Variants in ATP2B2 observed in about 807,000 individuals in gnomAD.
ATP2B2 encodes ATPase plasma membrane Ca2+ transporting 2, also known as plasma membrane calcium-transporting ATPase 2.
In ATP2B2, 15 loss-of-function variants were observed where a neutral mutation model predicts 120.0. The ratio of observed to expected loss-of-function variants is 0.12; its 90% CI spans 0.08 to 0.19. The LOEUF is 0.19. Ranked by LOEUF, ATP2B2 falls within the 10% of genes least tolerant of loss-of-function variation. The pLI is 1.00. For missense variants in ATP2B2, 1,045 were observed against 1,719.8 expected (o/e 0.61, Z 6.94); for synonymous variants, 694 against 700.3 (o/e 0.99, Z 0.14).
chr3:10,585,450 T>C (rs1575525876), intron 2 of ATP2B2, among the ~76,000 whole-genome samples: 1 of 125,610 alleles, frequency 8.0e-6, no homozygotes, highest in African/African-American at 3.1e-5. Flanking sequence ...GCCAAGATCA[T>C]GCCACTGCAC....
chr3:10,487,503 G>C (rs1036113793), intron 1 of ATP2B2, among the ~76,000 whole-genome samples: 2 of 152,220 alleles, frequency 1.3e-5, no homozygotes, highest in Admixed American at 6.5e-5. Context: ...TCAATTCTCA[G>C]CATGAAGCCA....
At chr3:10,702,044 CAACCTCATG>C (rs2071827562) in intron 1 of ATP2B2, among the ~76,000 whole-genome samples, 1 of 152,164 alleles carries the variant, frequency 6.6e-6, no homozygotes, top group African/African-American at 2.4e-5. Context: ...TCCAGTCTCC[CAACCTCATG>C]AAGCCAGGAA....
In ATP2B2 at chr3:10,417,066, C is replaced by CAG. The variant is rs2062811641; in HGVS notation, c.200-6252_200-6251insCT. 7.9e-5 allele frequency among the ~76,000 whole-genome samples: 3 copies of CAG among 38,108 alleles called. 1 individual carries two copies. Among genetic ancestry groups the CAG allele is most frequent in the African/African-American group, 6.8e-4 (3 of 4,392 alleles). The allele number at this position is 38,108 out of a possible 152,430, so 25.0% of individuals were successfully genotyped here. A position where few individuals can be genotyped will look rare whatever the true frequency, so the allele number is the denominator to read the frequency against. The stretch of plus-strand genomic sequence containing the variant: ...GAGGTGCTCCTCACTTCCCAGACGG[C>CAG]GGCGGGGGGGGGCGGGCAGAGGGGC... On this transcript the variant is annotated intron_variant, in intron 2 of 22. Coordinates refer to ENST00000360273, the MANE Select transcript of ATP2B2 (RefSeq NM_001001331.4).
chr3:10,638,411 T>A (rs891370202), intron 1 of ATP2B2, among the ~76,000 whole-genome samples: 3 of 152,142 alleles, frequency 2.0e-5, no homozygotes, highest in Admixed American at 2.0e-4. Flanking sequence ...TGAAGTGGTA[T>A]AATATTACTT....
Position 10,340,481 on chromosome 3 carries a change from G to C in ATP2B2, c.3129+12C>G. ...CCCACCCCGGGCCTGGTTAGGGTGG[G>C]GGCCTCACTACCTGGATGGCAAAGG... is the stretch of plus-strand genomic sequence containing the variant. On this transcript the variant is annotated intron_variant, in intron 20 of 22. Coordinates refer to ENST00000360273, the MANE Select transcript of ATP2B2 (RefSeq NM_001001331.4). This position sits in a 1 kb window ranked among gnomAD's most constrained non-coding sequence, Gnocchi z 5.0. The C allele has an allele frequency of 1.2e-6, 2 of 1,614,204 alleles. No homozygotes were observed. The highest frequency in any genetic ancestry group is 1.7e-6 in the Non-Finnish European group (2 of 1,180,018).
At chr3:10,690,588 A>T (rs570857069) in intron 1 of ATP2B2, among the ~76,000 whole-genome samples, 1 of 152,196 alleles carries the variant, frequency 6.6e-6, no homozygotes, top group East Asian at 1.9e-4. Flanking sequence ...GCTACTTTAA[A>T]CTTTCCTTTT....
intron 3 of ATP2B2, among the ~76,000 whole-genome samples, chr3:10,529,215 A>G (rs2067160538): frequency 6.6e-6 from 1 of 152,252 alleles, no homozygotes; most frequent in South Asian, 2.1e-4. Context: ...CTAGGGAAAC[A>G]AAGACAGGAG....
At chr3:10,468,737 G>A (rs900903234) in intron 1 of ATP2B2, among the ~76,000 whole-genome samples, 4 of 152,198 alleles carry the variant, frequency 2.6e-5, no homozygotes, top group Non-Finnish European at 4.4e-5. Context: ...CGCTGAAGGA[G>A]TGAAATGAAA....
At chr3:10,348,314 G>T (rs1365195145) in intron 16 of ATP2B2, among the ~76,000 whole-genome samples, 1 of 152,124 alleles carries the variant, frequency 6.6e-6, no homozygotes, top group Non-Finnish European at 1.5e-5. Flanking sequence ...ACTGTGGGCA[G>T]GTGACAACTC....
intron 1 of ATP2B2, among the ~76,000 whole-genome samples, chr3:10,648,885 A>C (rs986038323): frequency 6.6e-6 from 1 of 152,306 alleles, no homozygotes; most frequent in African/African-American, 2.4e-5. Context: ...CCACAGCAGA[A>C]GCTTCCTCAT....
intron 2 of ATP2B2, among the ~76,000 whole-genome samples, chr3:10,563,128 A>G (rs1230970145): frequency 6.6e-6 from 1 of 152,236 alleles, no homozygotes; most frequent in Non-Finnish European, 1.5e-5. Context: ...TAGGTAACTT[A>G]TATTGAGGGT....
chr3:10,689,009 T>C (rs1157390797), intron 1 of ATP2B2, among the ~76,000 whole-genome samples: 1 of 152,164 alleles, frequency 6.6e-6, no homozygotes, highest in East Asian at 1.9e-4. Flanking sequence ...CCATGACTAG[T>C]AGAGATCCTC....
At chr3:10,604,923 C>G (rs903961915) in intron 2 of ATP2B2, among the ~76,000 whole-genome samples, 7 of 152,206 alleles carry the variant, frequency 4.6e-5, no homozygotes, top group African/African-American at 1.7e-4. Flanking sequence ...GTGCATTCAA[C>G]TGTTCTTGTT....
At chr3:10,586,614 T>G (rs2068515953) in intron 2 of ATP2B2, among the ~76,000 whole-genome samples, 1 of 152,168 alleles carries the variant, frequency 6.6e-6, no homozygotes, top group Non-Finnish European at 1.5e-5. Context: ...TCTTTGCTTT[T>G]ACCCCTGAGG....
chr3:10,413,467 T>A (rs937135801), intron 2 of ATP2B2, among the ~76,000 whole-genome samples: 1 of 152,188 alleles, frequency 6.6e-6, no homozygotes, highest in Non-Finnish European at 1.5e-5. Flanking sequence ...CAGAGCCAGG[T>A]TAGGCTCATT....
intron 3 of ATP2B2, among the ~76,000 whole-genome samples, chr3:10,514,255 G>C (rs1261601828): frequency 1.3e-5 from 2 of 152,180 alleles, no homozygotes; most frequent in Non-Finnish European, 2.9e-5. Context: ...GGTTCTGCCA[G>C]GGTGTCCAGT....
chr3:10,700,172 G>A (rs2071796084), intron 1 of ATP2B2, among the ~76,000 whole-genome samples: 1 of 151,982 alleles, frequency 6.6e-6, no homozygotes, highest in Admixed American at 6.6e-5. Flanking sequence ...ACCCACCTCT[G>A]CTTGGAAACT....
chr3:10,705,251 A>C (rs1022680965), intron 1 of ATP2B2, among the ~76,000 whole-genome samples: 39 of 152,208 alleles, frequency 2.6e-4, no homozygotes, highest in African/African-American at 9.4e-4. Context: ...CCAGGCTTAG[A>C]CTTAATCTCT....
At chr3:10,372,118 G>T (rs759473154) in intron 11 of ATP2B2, 67 bp from the exon 12 acceptor site, 82 of 1,607,882 alleles carry the variant, frequency 5.1e-5, no homozygotes, top group Non-Finnish European at 6.6e-5. Context: ...GGTGCCTGGA[G>T]GCACTGGGTA....
Sources: gnomAD v4.1 joint callset for allele counts (sites outside exome capture counted in the v4.1 genomes callset) on GRCh38, gnomAD v4.1.1 for gene constraint, Gnocchi (gnomAD v3.1) non-coding constraint, MANE v1.5 for transcripts, NCBI Gene and HGNC (gene_info 2026-07-23, HGNC 2026-07-21) for gene names.